BCAS1: variants seen among roughly 807,000 people sequenced by gnomAD.
The protein encoded by BCAS1 is brain enriched myelin associated protein 1.
A neutral mutation model predicts 65.4 loss-of-function variants in BCAS1; 46 were observed. The ratio of observed to expected loss-of-function variants is 0.70; its 90% confidence interval spans 0.55 to 0.90. The LOEUF is 0.90. BCAS1 is among the 40% of genes least tolerant of loss of function. The pLI is 0.00. For missense variants in BCAS1, 793 were observed against 771.2 expected (o/e 1.03, Z -0.33); for synonymous variants, 298 against 293.5 (o/e 1.02, Z -0.16).
chr20:54,060,230 C>T (rs768172973), intron 1 of BCAS1, among the ~76,000 whole-genome samples: 4 of 152,152 alleles, frequency 2.6e-5, no homozygotes, highest in Non-Finnish European at 4.4e-5. Flanking sequence ...ATGCTTGTGA[C>T]GTGGTTAGAA....
intron 4 of BCAS1, among the ~76,000 whole-genome samples, chr20:54,014,874 G>A (rs1055386555): frequency 6.6e-6 from 1 of 152,122 alleles, no homozygotes; most frequent in African/African-American, 2.4e-5. Context: ...TGTCACCTGC[G>A]TGTAGCCATT....
intron 8 of BCAS1, among the ~76,000 whole-genome samples, chr20:53,981,419 G>A (rs932048615): frequency 6.6e-6 from 1 of 152,070 alleles, no homozygotes; most frequent in Non-Finnish European, 1.5e-5. Context: ...TACACTGATT[G>A]CTCCCTTTTC....
At chr20:53,984,176 G>T (rs1884862117) in intron 8 of BCAS1, among the ~76,000 whole-genome samples, 1 of 152,100 alleles carries the variant, frequency 6.6e-6, no homozygotes, top group Non-Finnish European at 1.5e-5. Flanking sequence ...AAATTATTCA[G>T]ATATGGGCCA....
intron 4 of BCAS1, among the ~76,000 whole-genome samples, chr20:54,007,198 T>C (rs1414720040): frequency 1.4e-4 from 21 of 152,232 alleles, no homozygotes; most frequent in Admixed American, 1.4e-3. Flanking sequence ...GCTCCTGTCC[T>C]GATTGGGTTT....
Position 53,944,920 on chromosome 20 carries a change from G to A in BCAS1, c.*2C>T. On this transcript the variant is annotated 3_prime_UTR_variant, in exon 13 of 13. Transcript: ENST00000688948. ...AACCTGGTGGGAACCGTGCTGATTT[G>A]TTTACTTGGATTTGCCAACTGGTCC... 1.2e-6 allele frequency: 2 copies of A among 1,613,886 alleles called. No homozygotes were observed. The highest frequency in any genetic ancestry group is 8.5e-7 in the Non-Finnish European group (1 of 1,179,852).
chr20:53,987,202 T>C (rs945904100), intron 7 of BCAS1, among the ~76,000 whole-genome samples: 3 of 152,242 alleles, frequency 2.0e-5, no homozygotes, highest in African/African-American at 7.2e-5. Context: ...GAGTCATCCA[T>C]TGAGCAGATT....
At chr20:54,006,084 C>A (rs1028767694) in intron 4 of BCAS1, among the ~76,000 whole-genome samples, 1 of 152,256 alleles carries the variant, frequency 6.6e-6, no homozygotes, top group African/African-American at 2.4e-5. Context: ...GGCAAAGGGG[C>A]TAAACAGCAG....
At chr20:53,949,370 TCA>T (rs34667559) in intron 12 of BCAS1, among the ~76,000 whole-genome samples, 31,940 of 152,078 alleles carry the variant, frequency 0.21, 3,652 homozygotes, top group East Asian at 0.37. Flanking sequence ...TGGGTTGCTC[TCA>T]GTTAGAACTC....
At chr20:54,043,596 T>C (rs559470927) in intron 3 of BCAS1, among the ~76,000 whole-genome samples, 5 of 152,310 alleles carry the variant, frequency 3.3e-5, no homozygotes, top group Admixed American at 2.6e-4. Flanking sequence ...TCCAGTTCCC[T>C]GCAAACTCCA....
At chr20:54,025,152 T>C (rs208385) in intron 4 of BCAS1, among the ~76,000 whole-genome samples, 110,693 of 152,084 alleles carry the variant, frequency 0.73, 40,819 homozygotes, top group East Asian at 0.89. Flanking sequence ...CAACACTTTA[T>C]GCGCCCCACA....
intron 9 of BCAS1, among the ~76,000 whole-genome samples, chr20:53,972,303 T>A (rs144781605): frequency 9.2e-5 from 14 of 152,340 alleles, no homozygotes; most frequent in Non-Finnish European, 1.8e-4. Flanking sequence ...TAACTCTGTT[T>A]TACACATTCC....
intron 11 of BCAS1, among the ~76,000 whole-genome samples, chr20:53,956,829 C>T (rs6097692): frequency 6.6e-6 from 1 of 152,062 alleles, no homozygotes; most frequent in Non-Finnish European, 1.5e-5. Context: ...CTGCATGATC[C>T]TATTTAAAAA....
intron 11 of BCAS1, 44 bp from the exon 12 acceptor site, chr20:53,953,739 C>T (rs373085148): frequency 1.3e-6 from 2 of 1,585,060 alleles, no homozygotes; most frequent in Non-Finnish European, 8.6e-7. Context: ...GGCTGCAGGA[C>T]AACTCTCAAT....
At chr20:54,044,279 C>T (rs1447219386) in intron 3 of BCAS1, among the ~76,000 whole-genome samples, 1 of 152,152 alleles carries the variant, frequency 6.6e-6, no homozygotes, top group East Asian at 1.9e-4. Flanking sequence ...TTGGTCTATC[C>T]TCCAAGACAG....
rs1418622627 is a variant in BCAS1, at chr20:53,992,609, C to T, written c.965G>A (p.Gly322Asp). 1.5e-6 allele frequency: 2 copies of T among 1,365,742 alleles called. No homozygotes were observed. The highest frequency in any genetic ancestry group is 2.1e-4 in the Middle Eastern group (1 of 4,790). 84.6% of individuals were successfully genotyped at this position (1,365,742 alleles called of 1,614,324 possible). A position where few individuals can be genotyped will look rare whatever the true frequency, so the allele number is the denominator to read the frequency against. Residue 322 changes from glycine to aspartate, a missense_variant, in exon 7 of 13, where the codon GGT becomes GAT. Transcript: ENST00000688948. The stretch of plus-strand genomic sequence containing the variant: ...AGCCTGGATCTCGGATGTCTTCTGA[C>T]CAGCTTGTCCATCACAGACACTTTC... ...KAESVCDGQA[G>D]QKTSEIQARG...
At chr20:54,017,768 A>T (rs1014092730) in intron 4 of BCAS1, among the ~76,000 whole-genome samples, 2 of 152,210 alleles carry the variant, frequency 1.3e-5, no homozygotes, top group African/African-American at 4.8e-5. Flanking sequence ...AGGGTAAGCC[A>T]CACTGGGCAA....
chr20:53,992,623 A>G lies in BCAS1; in HGVS notation c.951T>C (p.Cys317=). The G allele has an allele frequency of 7.3e-7, 1 of 1,365,912 alleles. No homozygotes were observed. The highest frequency in any genetic ancestry group is 1.1e-5 in the South Asian group (1 of 88,010). 84.6% of individuals were successfully genotyped at this position (1,365,912 alleles called of 1,614,324 possible). The change falls in exon 7 of 13, where the codon TGT becomes TGC. Residue 317 remains cysteine, a synonymous_variant. Transcript: ENST00000688948. ...ATGTCTTCTGACCAGCTTGTCCATC[A>G]CAGACACTTTCTGCTTTCGATGCCT... ...EDTASKAESV[C]DGQAGQKTSE...
intron 7 of BCAS1, among the ~76,000 whole-genome samples, chr20:53,987,655 C>A (rs988327382): frequency 2.6e-5 from 4 of 152,170 alleles, no homozygotes; most frequent in Non-Finnish European, 5.9e-5. Flanking sequence ...AATAATTCCA[C>A]AAATAAATGT....
chr20:54,029,302 TG>T, intron 3 of BCAS1: 2 of 900,908 alleles, frequency 2.2e-6, no homozygotes, highest in South Asian at 1.0e-4. Context: ...TGATGTCAAC[TG>T]GGAGGCAGTA....
Sources: allele counts gnomAD v4.1 joint callset (sites outside exome capture counted in the v4.1 genomes callset), GRCh38; gene constraint gnomAD v4.1.1; transcripts MANE v1.5; gene names NCBI Gene and HGNC (gene_info 2026-07-23, HGNC 2026-07-21).